The following COL14A1 variants were observed in gnomAD, a reference collection of about 807,000 sequenced individuals.
COL14A1 encodes the protein collagen alpha-1(XIV) chain.
A neutral mutation model predicts 230.3 loss-of-function variants in COL14A1; 136 were observed. That is an observed-to-expected ratio of 0.59 (90% CI 0.51 to 0.68). COL14A1 has a LOEUF of 0.68. Ranked by LOEUF, COL14A1 falls within the 30% of genes least tolerant of loss-of-function variation. COL14A1 has a pLI of 0.00. For missense variants in COL14A1, 1,976 were observed against 2,215.8 expected (o/e 0.89, Z 2.17); for synonymous variants, 792 against 784.1 (o/e 1.01, Z -0.17).
At chr8:120,257,447 G>A (rs1382162218) in intron 23 of COL14A1, among the ~76,000 whole-genome samples, 1 of 152,192 alleles carries the variant, frequency 6.6e-6, no homozygotes, top group African/African-American at 2.4e-5. Flanking sequence ...GTTTGATGGA[G>A]GAGTGAGTGT....
chr8:120,225,093 A>G lies in COL14A1; in HGVS notation c.1743A>G (p.Glu581=). ...ATGACTTATTTCTTTGACAGGTTGA[A>G]GTCGATCCTATTACTACCTTCCCTC... is the stretch of plus-strand genomic sequence containing the variant. ...NADGTEINEV[E]VDPITTFPLK... The change falls in exon 15 of 48, where the codon GAA becomes GAG. Residue 581 remains glutamate (E), a synonymous_variant. Transcript: ENST00000297848. 1 of 1,610,430 alleles carries G rather than the reference A, an allele frequency of 6.2e-7. No individual in the cohort carries two copies. Among genetic ancestry groups the G allele is most frequent in the Non-Finnish European group, 8.5e-7 (1 of 1,179,036 alleles).
intron 25 of COL14A1, among the ~76,000 whole-genome samples, chr8:120,268,984 C>T (rs192165450): frequency 2.1e-3 from 321 of 151,806 alleles, no homozygotes; most frequent in Non-Finnish European, 3.1e-3. Flanking sequence ...CAGAACTCAA[C>T]CTTATCAGAT....
At chr8:120,217,423 T>TGGTCCAGTAAGCTAAG (rs1456201291) in intron 14 of COL14A1, among the ~76,000 whole-genome samples, 4 of 152,226 alleles carry the variant, frequency 2.6e-5, no homozygotes, top group Non-Finnish European at 4.4e-5. Flanking sequence ...TCCCTTATCT[T>TGGTCCAGTAAGCTAAG]GGTCCAGTAA....
At chr8:120,244,098 T>C in intron 20 of COL14A1, 90 bp downstream of exon 20, 2 of 1,436,096 alleles carry the variant, frequency 1.4e-6, no homozygotes, top group South Asian at 2.6e-5. Context: ...ATACAGTAGA[T>C]TGCAGTGAAG....
chr8:120,210,513 G>C (rs963712269), intron 12 of COL14A1, among the ~76,000 whole-genome samples: 1 of 152,132 alleles, frequency 6.6e-6, no homozygotes, highest in African/African-American at 2.4e-5. Flanking sequence ...TTACTAATTT[G>C]AGAGGTAGAT....
chr8:120,218,247 T>C (rs543949718), intron 14 of COL14A1, among the ~76,000 whole-genome samples: 2 of 123,114 alleles, frequency 1.6e-5, no homozygotes, highest in South Asian at 2.4e-4. Context: ...AATATAAATA[T>C]ATAAGTATAT....
chr8:120,367,947 A>T (rs1190659991), intron 46 of COL14A1, among the ~76,000 whole-genome samples: 2 of 151,146 alleles, frequency 1.3e-5, no homozygotes, highest in African/African-American at 4.9e-5. Flanking sequence ...CTGTCTCGAA[A>T]AAAAAAAAAG....
chr8:120,263,255 C>T (rs878935517), intron 24 of COL14A1, among the ~76,000 whole-genome samples: 2 of 152,104 alleles, frequency 1.3e-5, no homozygotes, highest in African/African-American at 2.4e-5. Flanking sequence ...GAAGGCCACA[C>T]GATAGTAAAG....
chr8:120,131,949 C>A (rs1437712980), intron 1 of COL14A1, among the ~76,000 whole-genome samples: 2 of 144,858 alleles, frequency 1.4e-5, no homozygotes, highest in Non-Finnish European at 3.0e-5. Context: ...TGGGTTCAGG[C>A]GATTCTCCTG....
At chr8:120,187,485 C>T (rs1016653942) in intron 5 of COL14A1, among the ~76,000 whole-genome samples, 8 of 152,098 alleles carry the variant, frequency 5.3e-5, no homozygotes, top group Non-Finnish European at 8.8e-5. Context: ...TTGTTGTGTT[C>T]CCAGTTGCTC....
intron 1 of COL14A1, among the ~76,000 whole-genome samples, chr8:120,138,553 G>A (rs963494311): frequency 6.6e-6 from 1 of 152,096 alleles, no homozygotes; most frequent in Non-Finnish European, 1.5e-5. Flanking sequence ...CCTTCAGAGA[G>A]AAAAAAGCTA....
intron 40 of COL14A1, among the ~76,000 whole-genome samples, chr8:120,326,426 A>G (rs1174614848): frequency 6.6e-6 from 1 of 152,244 alleles, no homozygotes; most frequent in African/African-American, 2.4e-5. Flanking sequence ...GCCTAGCAGA[A>G]TCCCCAGCAT....
chr8:120,317,345 C>T (rs1250840877), intron 40 of COL14A1, among the ~76,000 whole-genome samples: 2 of 151,912 alleles, frequency 1.3e-5, no homozygotes, highest in East Asian at 1.9e-4. Context: ...TCTACATCCC[C>T]CCCTTTTTTT....
Position 120,255,374 on chromosome 8 carries a change from C to T in COL14A1, c.2869+18C>T, listed in dbSNP as rs1387417013. On this transcript the variant is annotated intron_variant, in intron 23 of 47. Coordinates refer to ENST00000297848, the MANE Select transcript of COL14A1 (RefSeq NM_021110.4). ...CCTCCAGGGTGAGTACAATCCATCACTTACGTTTTTGTCAAGCATTTGTGT... is the reference window on the plus strand; with the variant it reads ...CCTCCAGGGTGAGTACAATCCATCATTTACGTTTTTGTCAAGCATTTGTGT... The T allele has an allele frequency of 1.9e-6, 3 of 1,566,626 alleles. No individual in the cohort carries two copies. The highest frequency in any genetic ancestry group is 1.7e-5 in the Admixed American group (1 of 59,922).
At chr8:120,303,577 G>C (rs1820779064) in intron 36 of COL14A1, among the ~76,000 whole-genome samples, 1 of 152,170 alleles carries the variant, frequency 6.6e-6, no homozygotes, top group Non-Finnish European at 1.5e-5. Flanking sequence ...AGCATCCCAG[G>C]GATGAAGCCT....
chr8:120,294,672 A>G (rs1022598655), intron 34 of COL14A1, among the ~76,000 whole-genome samples: 5 of 151,760 alleles, frequency 3.3e-5, no homozygotes, highest in Admixed American at 2.6e-4. Flanking sequence ...ATAAAAGCCA[A>G]AGGCTTTTTT....
At chr8:120,282,489 T>C (rs1316891150) in intron 31 of COL14A1, among the ~76,000 whole-genome samples, 1 of 152,210 alleles carries the variant, frequency 6.6e-6, no homozygotes, top group Non-Finnish European at 1.5e-5. Flanking sequence ...ATCTTAAATG[T>C]CTGTTACAAT....
chr8:120,332,290 G>A (rs184708585), intron 41 of COL14A1, 96 bp downstream of exon 41: 118 of 1,183,370 alleles, frequency 1.0e-4, no homozygotes, highest in East Asian at 4.6e-4. Flanking sequence ...ACCAGCAGCC[G>A]TCTTCACTAT....
chr8:120,253,037 G>A (rs1819025852), intron 22 of COL14A1, among the ~76,000 whole-genome samples: 1 of 152,172 alleles, frequency 6.6e-6, no homozygotes, highest in African/African-American at 2.4e-5. Context: ...CTGTTGATGT[G>A]ACACTGTTGT....
Sources: gnomAD v4.1 joint callset for allele counts (sites outside exome capture counted in the v4.1 genomes callset) on GRCh38, gnomAD v4.1.1 for gene constraint, MANE v1.5 for transcripts, NCBI Gene and HGNC (gene_info 2026-07-23, HGNC 2026-07-21) for gene names.